TRDMT1: variants seen among roughly 807,000 people sequenced by gnomAD.
TRDMT1 encodes tRNA aspartic acid methyltransferase 1.
In TRDMT1, 49 loss-of-function variants were observed where a neutral mutation model predicts 51.2. That is an observed-to-expected ratio of 0.96 (90% CI 0.76 to 1.21). TRDMT1 has a LOEUF of 1.21. Among genes scored for constraint, TRDMT1 ranks in the 50% most tolerant of loss-of-function variants. The pLI is 0.00. For synonymous variants in TRDMT1, 187 were observed against 164.6 expected, an observed-to-expected ratio of 1.14 and a Z score of -1.04; for missense variants, 534 against 462.3, an observed-to-expected ratio of 1.16 and a Z score of -1.42.
intron 3 of TRDMT1, among the ~76,000 whole-genome samples, chr10:17,166,339 GAC>G (rs1228106164): frequency 9.3e-5 from 13 of 140,184 alleles, no homozygotes; most frequent in African/African-American, 3.2e-4. Flanking sequence ...ATGGACACAG[GAC>G]GGGGAACATC....
At position 17,157,509 on chromosome 10, in the gene TRDMT1, C is replaced by A. The variant is rs1239547175; in HGVS notation, c.819G>T (p.Leu273Phe). 11 of 1,613,920 alleles carry A rather than the reference C, an allele frequency of 6.8e-6. No homozygotes were observed. Among genetic ancestry groups the A allele is most frequent in the Non-Finnish European group, 9.3e-6 (11 of 1,179,936 alleles). Reference protein sequence around the residue: ...VNQYLLPPKSLLRYALLLDIV... With the variant: ...VNQYLLPPKSFLRYALLLDIV... ...TGTCTAACAGAAGAGCATATCGCAG[C>A]AATGACTTTGGTGGTAAAAGATACT... Residue 273 changes from leucine to phenylalanine, a missense_variant, in exon 8 of 11, where the codon TTG becomes TTT. Coordinates refer to ENST00000377799, the MANE Select transcript of TRDMT1 (RefSeq NM_004412.7).
At chr10:17,176,066 T>A (rs1391006587) in intron 1 of TRDMT1, among the ~76,000 whole-genome samples, 1 of 152,196 alleles carries the variant, frequency 6.6e-6, no homozygotes, top group Non-Finnish European at 1.5e-5. Context: ...AGCCATCAGA[T>A]CTTGAAACAT....
At position 17,146,250 on chromosome 10, in the gene TRDMT1, C is replaced by A. The variant is rs2131359194; in HGVS notation, c.*2790G>T. On this transcript the variant is annotated 3_prime_UTR_variant, in exon 11 of 11. Coordinates refer to ENST00000377799, the MANE Select transcript of TRDMT1 (RefSeq NM_004412.7). ...TGTTTTTGCCTCTTTAGAAGGCTCTCCTTTTTGAGGAAGAATAAGTTGGCT... is the reference window on the plus strand; with the variant it reads ...TGTTTTTGCCTCTTTAGAAGGCTCTACTTTTTGAGGAAGAATAAGTTGGCT... 1.0e-6 allele frequency: 1 copy of A among 985,434 alleles called. No homozygotes were observed. Among genetic ancestry groups the A allele is most frequent in the South Asian group, 4.7e-5 (1 of 21,290 alleles). 61.0% of individuals were successfully genotyped at this position (985,434 alleles called of 1,614,324 possible).
rs569032927 is a variant in TRDMT1 at position 17,145,949 on chromosome 10, G to C, written c.*3091C>G. 8 of 985,342 alleles carry C rather than the reference G, an allele frequency of 8.1e-6. No homozygotes were observed. In the East Asian group the frequency reaches 7.9e-4, roughly 98 times the overall value. The allele number at this position is 985,342 out of a possible 1,614,324, so 61.0% of individuals were successfully genotyped here. On this transcript the variant is annotated 3_prime_UTR_variant, in exon 11 of 11. Transcript: ENST00000377799. ...AGAAGTCTCCAGCTTAATCACTCTA[G>C]ACCTCAACTAGGTTGAGATGGGAGC... is the stretch of plus-strand genomic sequence containing the variant.
At position 17,143,452 on chromosome 10, in the gene TRDMT1, C is replaced by T; in HGVS notation, c.*5588G>A. On this transcript the variant is annotated 3_prime_UTR_variant, in exon 11 of 11. Coordinates refer to ENST00000377799, the MANE Select transcript of TRDMT1 (RefSeq NM_004412.7). ...TATGAAAGTCAACTCATTTCTACTACACAAGGAGTATCACATTCCATTCAG... is the reference window on the plus strand; with the variant it reads ...TATGAAAGTCAACTCATTTCTACTATACAAGGAGTATCACATTCCATTCAG... 1 of 985,454 alleles carries T rather than the reference C, an allele frequency of 1.0e-6. No individual in the cohort carries two copies. The highest frequency in any genetic ancestry group is 1.2e-6 in the Non-Finnish European group (1 of 829,930). 61.0% of individuals were successfully genotyped at this position (985,454 alleles called of 1,614,324 possible). A position where few individuals can be genotyped will look rare whatever the true frequency, so the allele number is the denominator to read the frequency against.
In TRDMT1 at chr10:17,148,971, C is replaced by A; in HGVS notation, c.*69G>T. On this transcript the variant is annotated 3_prime_UTR_variant, in exon 11 of 11. Coordinates refer to ENST00000377799, the MANE Select transcript of TRDMT1 (RefSeq NM_004412.7). Reference sequence around the variant, plus strand: ...AAATTTCACCAGAATTAGTTCAAAACAGAATTTCAGAATTACTCTCTGAAA... The same window carrying A: ...AAATTTCACCAGAATTAGTTCAAAAAAGAATTTCAGAATTACTCTCTGAAA... The A allele has an allele frequency of 6.9e-7, 1 of 1,454,432 alleles. No individual in the cohort carries two copies. 90.1% of individuals were successfully genotyped at this position (1,454,432 alleles called of 1,614,324 possible). A position where few individuals can be genotyped will look rare whatever the true frequency, so the allele number is the denominator to read the frequency against.
Position 17,174,580 on chromosome 10 carries a change from G to A in TRDMT1, c.145C>T (p.His49Tyr), listed in dbSNP as rs755928309. The A allele has an allele frequency of 6.2e-7, 1 of 1,613,666 alleles. No homozygotes were observed. The highest frequency in any genetic ancestry group is 8.5e-7 in the Non-Finnish European group (1 of 1,179,648). ...ATCGTCTTGGCAAGTAACTGTGTGT[G>A]AGGAAAATTATACTTGTATACTTCA... ...ANEVYKYNFP[H>Y]TQLLAKTIEG... Residue 49 changes from histidine to tyrosine, a missense_variant, in exon 2 of 11, where the codon CAC (histidine) becomes TAC (tyrosine). Physicochemically the swap from His to Tyr is moderately conservative, Grantham distance 83. Coordinates refer to ENST00000377799, the MANE Select transcript of TRDMT1 (RefSeq NM_004412.7).
chr10:17,178,212 G>T (rs1842850020), intron 1 of TRDMT1, among the ~76,000 whole-genome samples: 1 of 152,118 alleles, frequency 6.6e-6, no homozygotes. Context: ...ACATCTAGTT[G>T]TAAGATGAAA....
At chr10:17,189,262 A>C (rs1042413864) in intron 1 of TRDMT1, among the ~76,000 whole-genome samples, 4 of 152,168 alleles carry the variant, frequency 2.6e-5, no homozygotes, top group Non-Finnish European at 5.9e-5. Flanking sequence ...TCTTAGTTAA[A>C]ATACTGGGAT....
At chr10:17,170,624 A>G (rs1349179831) in intron 2 of TRDMT1, among the ~76,000 whole-genome samples, 2 of 152,180 alleles carry the variant, frequency 1.3e-5, no homozygotes, top group African/African-American at 2.4e-5. Flanking sequence ...ACAACTTTTG[A>G]CTATTTTATT....
chr10:17,159,469 A>T (rs1005704069), intron 6 of TRDMT1, among the ~76,000 whole-genome samples: 1 of 152,136 alleles, frequency 6.6e-6, no homozygotes, highest in Non-Finnish European at 1.5e-5. Flanking sequence ...ATATATCTAC[A>T]AGTCACTTCC....
chr10:17,165,603 T>A (rs1588562536), intron 3 of TRDMT1, among the ~76,000 whole-genome samples: 1 of 151,732 alleles, frequency 6.6e-6, no homozygotes, highest in Non-Finnish European at 1.5e-5. Flanking sequence ...TGGGAGAAAA[T>A]TTTTGCAATC....
chr10:17,148,844 T>C lies in TRDMT1; in HGVS notation c.*196A>G, dbSNP rs377171607. 7.6e-6 allele frequency: 9 copies of C among 1,185,724 alleles called. No individual in the cohort carries two copies. In the Admixed American group the frequency reaches 1.9e-4, roughly 25 times the overall value. The allele number at this position is 1,185,724 out of a possible 1,614,324, so 73.5% of individuals were successfully genotyped here. ...TACTCTCCATAAAGCATAACAATAG[T>C]TCGTATTTTATAAAATACAGTAATA... On this transcript the variant is annotated 3_prime_UTR_variant, in exon 11 of 11. Transcript: ENST00000377799.
chr10:17,181,345 G>C (rs528060437), intron 1 of TRDMT1, among the ~76,000 whole-genome samples: 2 of 152,138 alleles, frequency 1.3e-5, no homozygotes, highest in African/African-American at 4.8e-5. Flanking sequence ...AGTTCACTCT[G>C]CTGTCACATT....
intron 2 of TRDMT1, among the ~76,000 whole-genome samples, chr10:17,174,031 G>A (rs1842354837): frequency 6.6e-6 from 1 of 151,946 alleles, no homozygotes; most frequent in Non-Finnish European, 1.5e-5. Context: ...CCAAAGTGCT[G>A]GCATTACAGG....
intron 2 of TRDMT1, 22 bp downstream of exon 2, chr10:17,174,529 T>C: frequency 1.3e-6 from 2 of 1,525,122 alleles, no homozygotes; most frequent in Non-Finnish European, 1.8e-6. Context: ...ACATACTTAT[T>C]AAAACAATGA....
intron 1 of TRDMT1, among the ~76,000 whole-genome samples, chr10:17,187,195 T>A (rs969709632): frequency 2.0e-5 from 3 of 152,212 alleles, no homozygotes; most frequent in African/African-American, 4.8e-5. Flanking sequence ...ATGTACTGAA[T>A]AAATGAATAT....
chr10:17,193,572 T>A (rs1344837009), intron 1 of TRDMT1, among the ~76,000 whole-genome samples: 1 of 151,948 alleles, frequency 6.6e-6, no homozygotes, highest in South Asian at 2.1e-4. Flanking sequence ...ACAAAAAACA[T>A]ATAAAAATAC....
At chr10:17,160,881 T>C (rs1372386585) in intron 5 of TRDMT1, among the ~76,000 whole-genome samples, 1 of 152,214 alleles carries the variant, frequency 6.6e-6, no homozygotes, top group Non-Finnish European at 1.5e-5. Context: ...TCAAAAGATA[T>C]ACATAATTCA....
Sources: gnomAD v4.1 joint callset for allele counts (sites outside exome capture counted in the v4.1 genomes callset) on GRCh38, gnomAD v4.1.1 for gene constraint, MANE v1.5 for transcripts, NCBI Gene and HGNC (gene_info 2026-07-23, HGNC 2026-07-21) for gene names.